NBAS: variants seen among roughly 807,000 people sequenced by gnomAD.
The protein encoded by NBAS is NAG/BC035112 fusion.
In NBAS, 219 loss-of-function variants were observed where a neutral mutation model predicts 302.5. The ratio of observed to expected loss-of-function variants is 0.72; its 90% CI spans 0.65 to 0.81. The LOEUF (loss-of-function observed/expected upper bound fraction) is 0.81. Among genes scored for constraint, NBAS ranks in the 30% least tolerant of loss-of-function variants. The pLI is 0.00. For synonymous variants in NBAS, 1,118 were observed against 1,021.6 expected (o/e 1.09, Z -1.80); for missense variants, 2,932 against 2,841.6 (o/e 1.03, Z -0.72).
At chr2:15,097,744 C>G in the NBAS span, among the ~76,000 whole-genome samples, 4 of 150,844 alleles carry the variant, frequency 2.7e-5, no homozygotes, top group Non-Finnish European at 4.4e-5. Context: ...CACCTAACAC[C>G]ATCATCCTGG....
chr2:15,149,373 T>C, the NBAS span, among the ~76,000 whole-genome samples: 3 of 152,342 alleles, frequency 2.0e-5, no homozygotes, highest in Admixed American at 2.0e-4. Flanking sequence ...TCTTTAAAAA[T>C]TACCCAATCT....
chr2:15,376,632 C>A (rs147056049), intron 30 of NBAS, among the ~76,000 whole-genome samples: 1 of 152,148 alleles, frequency 6.6e-6, no homozygotes, highest in Admixed American at 6.6e-5. Context: ...GCAGGAGTTA[C>A]TTTTAAGCGT....
the NBAS span, among the ~76,000 whole-genome samples, chr2:14,974,084 A>G: frequency 3.3e-5 from 5 of 152,192 alleles, no homozygotes; most frequent in Non-Finnish European, 5.9e-5. Context: ...CATGCATTTT[A>G]TCTATACACT....
chr2:15,204,288 G>A (rs1411596506), intron 48 of NBAS, among the ~76,000 whole-genome samples: 2 of 151,824 alleles, frequency 1.3e-5, no homozygotes, highest in African/African-American at 4.8e-5. Flanking sequence ...AAAAAGAAAA[G>A]AAGTATCAGT....
At position 15,275,768 on chromosome 2, in the gene NBAS, A is replaced by T; in HGVS notation, c.5440T>A (p.Leu1814Met). The T allele has an allele frequency of 2.5e-6, 4 of 1,614,154 alleles. No individual in the cohort carries two copies. Among genetic ancestry groups the T allele is most frequent in the Non-Finnish European group, 3.4e-6 (4 of 1,180,034 alleles). The change falls in exon 44 of 52, where the codon TTG (leucine) becomes ATG (methionine). Residue 1814 changes from leucine (L) to methionine (M), a missense_variant. Coordinates refer to ENST00000281513, the MANE Select transcript of NBAS (RefSeq NM_015909.4). ...TDENMSPLEA[L>M]EPVLSSQNIL... ...TTTTGACTTGAAAGAACTGGCTCCA[A>T]TGCTTCAAGAGGACTCATGTTTTCA...
At chr2:15,390,574 C>T (rs1483361343) in intron 28 of NBAS, among the ~76,000 whole-genome samples, 2 of 150,906 alleles carry the variant, frequency 1.3e-5, no homozygotes, top group Non-Finnish European at 2.9e-5. Flanking sequence ...TGGGATCACG[C>T]TAAAAGAGTA....
intron 27 of NBAS, among the ~76,000 whole-genome samples, chr2:15,395,242 A>G (rs1483072575): frequency 1.3e-5 from 2 of 152,082 alleles, no homozygotes; most frequent in Non-Finnish European, 2.9e-5. Flanking sequence ...GAAATAAATT[A>G]CGTTTATTTC....
the NBAS span, among the ~76,000 whole-genome samples, chr2:14,855,940 A>T: frequency 3.0e-4 from 46 of 152,264 alleles, no homozygotes; most frequent in African/African-American, 1.1e-3. Flanking sequence ...AGTAGCAGGG[A>T]GTGGTTACAG....
intron 38 of NBAS, among the ~76,000 whole-genome samples, chr2:15,314,488 C>T (rs1671421224): frequency 6.6e-6 from 1 of 152,212 alleles, no homozygotes; most frequent in Non-Finnish European, 1.5e-5. Context: ...AGTTTCCCAT[C>T]TTTACAGCTT....
At chr2:15,020,475 G>T in the NBAS span, among the ~76,000 whole-genome samples, 5 of 152,230 alleles carry the variant, frequency 3.3e-5, no homozygotes, top group Admixed American at 3.3e-4. Context: ...GCTGAAGGAG[G>T]GATTCACAAT....
Position 15,238,517 on chromosome 2 carries a change from AG to A in NBAS, c.5893del (p.Leu1965TrpfsTer4). On this transcript the variant is annotated frameshift_variant, in exon 45 of 52. Transcript: ENST00000281513. LOFTEE classifies it high-confidence loss of function. ...GATGAAGCTGTGGCTCAGGGTTTCC[AG>A]GTGGGCAAGTGATTTCTCCAGATGA... is the stretch of plus-strand genomic sequence containing the variant. ...LNHLEKSLAHLETLSHSFILS... is the reference protein window; with the variant it reads ...LNHLEKSLAHXETLSHSFILS... The A allele has an allele frequency of 1.2e-6, 2 of 1,614,194 alleles. No homozygotes were observed. The highest frequency in any genetic ancestry group is 1.7e-6 in the Non-Finnish European group (2 of 1,180,004).
rs143944132 is a variant in NBAS at position 15,344,780 on chromosome 2, C to T, written c.4179+7212G>A. ...AATCCTCAATAAAACACTGGCAAAC[C>T]GAATCCAGTACCACATCAAAAAACT... is the stretch of plus-strand genomic sequence containing the variant. On this transcript the variant is annotated intron_variant, in intron 35 of 51. Coordinates refer to ENST00000281513, the MANE Select transcript of NBAS (RefSeq NM_015909.4). Among the ~76,000 whole-genome samples, 576 of 152,184 alleles carry T rather than the reference C, an allele frequency of 3.8e-3. 14 individuals are homozygous for T. The East Asian group carries it at 0.052, about 14-fold the overall frequency.
chr2:15,082,885 C>T, the NBAS span, among the ~76,000 whole-genome samples: 1 of 152,186 alleles, frequency 6.6e-6, no homozygotes, highest in Non-Finnish European at 1.5e-5. Context: ...CCACAGTCAG[C>T]TGACATGTAG....
chr2:14,970,297 A>C, the NBAS span, among the ~76,000 whole-genome samples: 1 of 152,338 alleles, frequency 6.6e-6, no homozygotes, highest in Admixed American at 6.5e-5. Context: ...CTGGATCTTC[A>C]ATGATTCCAA....
At chr2:15,230,647 A>T (rs1307658105) in intron 47 of NBAS, among the ~76,000 whole-genome samples, 1 of 152,202 alleles carries the variant, frequency 6.6e-6, no homozygotes, top group Admixed American at 6.5e-5. Context: ...AAGACTAAGA[A>T]GCCCCATTGA....
intron 38 of NBAS, among the ~76,000 whole-genome samples, chr2:15,310,095 A>G (rs1032994875): frequency 2.0e-5 from 3 of 152,184 alleles, no homozygotes; most frequent in African/African-American, 7.2e-5. Flanking sequence ...GCACCACATG[A>G]TTTTTCCAGA....
intron 41 of NBAS, among the ~76,000 whole-genome samples, chr2:15,289,153 T>C (rs1484561872): frequency 6.6e-6 from 1 of 152,170 alleles, no homozygotes; most frequent in African/African-American, 2.4e-5. Flanking sequence ...CAAGGCTCAT[T>C]GTAGCCTTGA....
intron 44 of NBAS, among the ~76,000 whole-genome samples, chr2:15,239,643 C>A (rs1247440533): frequency 6.6e-6 from 1 of 151,438 alleles, no homozygotes; most frequent in African/African-American, 2.4e-5. Context: ...CCTGTACATG[C>A]ATATAAAGTA....
intron 11 of NBAS, among the ~76,000 whole-genome samples, chr2:15,500,869 A>C (rs1661508077): frequency 1.3e-5 from 2 of 151,448 alleles, no homozygotes; most frequent in Admixed American, 1.3e-4. Context: ...GCTTGCAATG[A>C]GCCTAGATCG....
Sources: allele counts gnomAD v4.1 joint callset (sites outside exome capture counted in the v4.1 genomes callset), GRCh38; gene constraint gnomAD v4.1.1; transcripts MANE v1.5; gene names NCBI Gene and HGNC (gene_info 2026-07-23, HGNC 2026-07-21).